Variants in VWA8 observed in about 807,000 individuals in gnomAD.
The protein encoded by VWA8 is von Willebrand factor A domain containing 8, also known as von Willebrand factor A domain-containing protein 8.
In VWA8, 221 loss-of-function variants were observed where a neutral mutation model predicts 241.5. The ratio of observed to expected loss-of-function variants is 0.91; its 90% CI spans 0.82 to 1.02. The LOEUF (loss-of-function observed/expected upper bound fraction) is 1.02, where lower values mean the gene tolerates loss of function less well. VWA8 is among the 50% of genes least tolerant of loss of function. The probability of loss-of-function intolerance (pLI) is 0.00; values close to 1 mark genes in which losing one functional copy is unlikely to be tolerated. For synonymous variants in VWA8, 852 were observed against 827.1 expected (o/e 1.03, Z -0.52); for missense variants, 2,322 against 2,328.7 (o/e 1.00, Z 0.06).
intron 40 of VWA8, among the ~76,000 whole-genome samples, chr13:41,600,166 A>G (rs1319133310): frequency 6.6e-6 from 1 of 152,106 alleles, no homozygotes; most frequent in East Asian, 1.9e-4. Flanking sequence ...AAATTCTTCA[A>G]AGCTGTTTGC....
intron 10 of VWA8, among the ~76,000 whole-genome samples, chr13:41,867,095 A>G (rs1184286715): frequency 6.6e-6 from 1 of 152,246 alleles, no homozygotes; most frequent in Non-Finnish European, 1.5e-5. Flanking sequence ...ACTGGAAGAG[A>G]CTAGAGGCAA....
intron 22 of VWA8, among the ~76,000 whole-genome samples, chr13:41,730,332 G>A (rs2045472673): frequency 6.6e-6 from 1 of 152,114 alleles, no homozygotes; most frequent in African/African-American, 2.4e-5. Flanking sequence ...CCAAGAAATA[G>A]GTACTGCCTC....
At chr13:41,932,710 A>G (rs1276441236) in intron 2 of VWA8, among the ~76,000 whole-genome samples, 1 of 151,936 alleles carries the variant, frequency 6.6e-6, no homozygotes, top group African/African-American at 2.4e-5. Flanking sequence ...AAGAAAAAGA[A>G]AAAAAAACAC....
chr13:41,655,277 TG>T (rs2044896152), intron 37 of VWA8, among the ~76,000 whole-genome samples: 2 of 151,952 alleles, frequency 1.3e-5, no homozygotes, highest in Non-Finnish European at 2.9e-5. Context: ...TTAGGAGAGA[TG>T]GGGTTTCGCC....
intron 2 of VWA8, among the ~76,000 whole-genome samples, chr13:41,922,153 T>C (rs544046177): frequency 3.3e-5 from 5 of 152,298 alleles, no homozygotes; most frequent in Admixed American, 3.3e-4. Flanking sequence ...ATCTGATCTT[T>C]GACAAACCTG....
chr13:41,729,798 GAC>G (rs59345894), intron 22 of VWA8, 121 bp from the exon 23 acceptor site: 41,249 of 439,770 alleles, frequency 0.094, 957 homozygotes, highest in African/African-American at 0.11. Flanking sequence ...TATACACGTA[GAC>G]ACACACACAC....
intron 1 of VWA8, among the ~76,000 whole-genome samples, chr13:41,959,509 A>AC (rs1413912305): frequency 6.7e-6 from 1 of 148,514 alleles, no homozygotes; most frequent in Non-Finnish European, 1.5e-5. Flanking sequence ...AAAAAAAAAA[A>AC]ACAAAAAGTA....
chr13:41,741,060 C>T (rs1417050290), intron 21 of VWA8, among the ~76,000 whole-genome samples: 2 of 152,150 alleles, frequency 1.3e-5, no homozygotes, highest in Non-Finnish European at 2.9e-5. Flanking sequence ...TTTATTTTCC[C>T]ACATAACACT....
At chr13:41,606,801 A>G (rs899402827) in intron 39 of VWA8, among the ~76,000 whole-genome samples, 13 of 152,144 alleles carry the variant, frequency 8.5e-5, no homozygotes, top group Non-Finnish European at 2.9e-5. Flanking sequence ...TTCCTGCCCT[A>G]TCACCCCACT....
intron 21 of VWA8, among the ~76,000 whole-genome samples, chr13:41,754,772 T>C (rs1399553033): frequency 1.3e-5 from 2 of 152,234 alleles, no homozygotes; most frequent in Admixed American, 6.6e-5. Flanking sequence ...TCCTAGCCTC[T>C]GGTGACCACG....
chr13:41,590,789 A>G, intron 40 of VWA8, 24 bp from the exon 41 acceptor site: 4 of 1,612,200 alleles, frequency 2.5e-6, no homozygotes, highest in Non-Finnish European at 3.4e-6. Flanking sequence ...ACATACACAC[A>G]CAAAGCCTTA....
intron 26 of VWA8, among the ~76,000 whole-genome samples, chr13:41,710,408 T>A (rs1441242784): frequency 6.6e-6 from 1 of 152,186 alleles, no homozygotes; most frequent in Non-Finnish European, 1.5e-5. Context: ...AATTTCTATG[T>A]AGATTCGTTT....
intron 12 of VWA8, among the ~76,000 whole-genome samples, chr13:41,837,240 TA>T (rs1871782801): frequency 6.6e-6 from 1 of 152,126 alleles, no homozygotes; most frequent in South Asian, 2.1e-4. Context: ...TGCATCAAAA[TA>T]AAAACCTTCC....
chr13:41,656,142 T>C lies in VWA8; in HGVS notation c.4611+14804A>G, dbSNP rs140852705. On this transcript the variant is annotated intron_variant, in intron 37 of 44. Coordinates refer to ENST00000379310, the MANE Select transcript of VWA8 (RefSeq NM_015058.2). ...GGAACACATGAACTTGTTTCCGATA[T>C]TGTGTCAGATTTTTCTCTTTCTGAG... 1.7e-3 allele frequency among the ~76,000 whole-genome samples: 258 copies of C among 152,328 alleles called. 1 individual carries two copies. The highest frequency in any genetic ancestry group is 5.9e-3 in the African/African-American group (247 of 41,562).
At chr13:41,809,598 C>A (rs1870374400) in intron 17 of VWA8, among the ~76,000 whole-genome samples, 1 of 152,068 alleles carries the variant, frequency 6.6e-6, no homozygotes, top group African/African-American at 2.4e-5. Flanking sequence ...ATACAAAAAT[C>A]AAATCAAAAT....
intron 37 of VWA8, among the ~76,000 whole-genome samples, chr13:41,658,228 G>C (rs181913261): frequency 5.3e-5 from 8 of 152,194 alleles, no homozygotes; most frequent in African/African-American, 1.9e-4. Context: ...GAAGGCTGAC[G>C]TGAGAGGATA....
chr13:41,569,730 TTC>T (rs1333493971), intron 44 of VWA8, among the ~76,000 whole-genome samples: 3 of 152,056 alleles, frequency 2.0e-5, no homozygotes, highest in Non-Finnish European at 2.9e-5. Context: ...CATGAGCTCT[TTC>T]TGTTTGTAAT....
At chr13:41,702,686 G>A (rs560304818) in intron 27 of VWA8, among the ~76,000 whole-genome samples, 2 of 152,264 alleles carry the variant, frequency 1.3e-5, no homozygotes, top group Admixed American at 1.3e-4. Context: ...AGAATCTGTA[G>A]GGCCACAAAG....
chr13:41,734,855 T>A (rs1269552600), intron 21 of VWA8, among the ~76,000 whole-genome samples: 1 of 152,198 alleles, frequency 6.6e-6, no homozygotes, highest in Non-Finnish European at 1.5e-5. Flanking sequence ...CCCTGTGGGA[T>A]GATAGGGAAA....
Sources: allele counts gnomAD v4.1 joint callset (sites outside exome capture counted in the v4.1 genomes callset), GRCh38; gene constraint gnomAD v4.1.1; transcripts MANE v1.5; gene names NCBI Gene and HGNC (gene_info 2026-07-23, HGNC 2026-07-21).